Variants in DAB1 observed in about 807,000 individuals in gnomAD.
DAB1 encodes the protein disabled homolog 1.
In DAB1, 15 loss-of-function variants were observed where a neutral mutation model predicts 64.6. The observed-to-expected ratio is 0.23, with a 90% CI of 0.16 to 0.36. DAB1 has a LOEUF of 0.36. Among genes scored for constraint, DAB1 ranks in the 10% least tolerant of loss-of-function variants. The probability of loss-of-function intolerance (pLI) is 1.00; values close to 1 mark genes in which losing one functional copy is unlikely to be tolerated. For synonymous variants in DAB1, 235 were observed against 251.9 expected, an observed-to-expected ratio of 0.93 and a Z score of 0.64; for missense variants, 596 against 706.7, an observed-to-expected ratio of 0.84 and a Z score of 1.78.
chr1:57,166,955 A>C (rs749654172), intron 2 of DAB1, among the ~76,000 whole-genome samples: 2 of 152,208 alleles, frequency 1.3e-5, no homozygotes, highest in Non-Finnish European at 2.9e-5. Context: ...CCACCTGTGC[A>C]GTTCAGGCTC....
At chr1:58,059,156 C>G (rs938988963) in intron 5 of DAB1, among the ~76,000 whole-genome samples, 3 of 152,322 alleles carry the variant, frequency 2.0e-5, no homozygotes, top group Admixed American at 6.5e-5. Flanking sequence ...ATTTTAAGAT[C>G]CTCCTTTTGC....
intron 7 of DAB1, among the ~76,000 whole-genome samples, chr1:57,555,699 A>G (rs1200067329): frequency 6.6e-6 from 1 of 152,178 alleles, no homozygotes; most frequent in Non-Finnish European, 1.5e-5. Flanking sequence ...TGATTTGTCC[A>G]GGGTCACAGT....
chr1:58,399,895 CTGA>C (rs1644555382), intron 3 of DAB1, among the ~76,000 whole-genome samples: 1 of 152,048 alleles, frequency 6.6e-6, no homozygotes, highest in African/African-American at 2.4e-5. Context: ...GAGTGAGACA[CTGA>C]TATAGAATTA....
At chr1:57,492,235 A>C (rs942173787) in intron 7 of DAB1, among the ~76,000 whole-genome samples, 1 of 152,244 alleles carries the variant, frequency 6.6e-6, no homozygotes, top group Admixed American at 6.5e-5. Flanking sequence ...TGGATTAATG[A>C]ACAGTGTACT....
At chr1:57,307,381 A>G (rs749683976) in intron 1 of DAB1, 16 of 152,474 alleles carry the variant, frequency 1.0e-4, no homozygotes, top group Non-Finnish European at 1.8e-4. Flanking sequence ...TAGTACAGGT[A>G]CTGCCACCCT....
intron 9 of DAB1, among the ~76,000 whole-genome samples, chr1:57,061,239 G>C (rs972765702): frequency 2.1e-5 from 3 of 144,480 alleles, no homozygotes; most frequent in South Asian, 2.2e-4. Context: ...GGGGGGGGGG[G>C]GTGGTTTCAA....
chr1:57,002,982 G>A (rs1645927238), intron 14 of DAB1, among the ~76,000 whole-genome samples: 1 of 152,196 alleles, frequency 6.6e-6, no homozygotes, highest in African/African-American at 2.4e-5. Context: ...CTGGGAGTGT[G>A]GCTTTATCCT....
At chr1:58,137,571 C>A (rs1022678065) in intron 5 of DAB1, among the ~76,000 whole-genome samples, 4 of 152,100 alleles carry the variant, frequency 2.6e-5, no homozygotes, top group Non-Finnish European at 5.9e-5. Flanking sequence ...CTCTATCACC[C>A]TCTATGCATC....
At chr1:57,692,160 T>C (rs1646772147) in intron 6 of DAB1, among the ~76,000 whole-genome samples, 1 of 152,126 alleles carries the variant, frequency 6.6e-6, no homozygotes, top group Admixed American at 6.6e-5. Context: ...CTCGCCCATC[T>C]ATCCTTTCTA....
chr1:57,555,191 C>A (rs1489954681), intron 7 of DAB1, among the ~76,000 whole-genome samples: 1 of 151,770 alleles, frequency 6.6e-6, no homozygotes, highest in Non-Finnish European at 1.5e-5. Flanking sequence ...CGTGCCCCCA[C>A]ACCCAGGTAA....
At chr1:58,264,910 A>T (rs1032391016) in intron 4 of DAB1, among the ~76,000 whole-genome samples, 1 of 152,152 alleles carries the variant, frequency 6.6e-6, no homozygotes, top group African/African-American at 2.4e-5. Flanking sequence ...TGTCATCTAT[A>T]TTTTCTTTGC....
At chr1:57,374,513 C>A (rs1680743941) in intron 1 of DAB1, among the ~76,000 whole-genome samples, 1 of 152,148 alleles carries the variant, frequency 6.6e-6, no homozygotes, top group Non-Finnish European at 1.5e-5. Context: ...CAGAGTAAAT[C>A]CCTTTTCCAA....
At chr1:57,189,665 G>A (rs1663937560) in intron 2 of DAB1, among the ~76,000 whole-genome samples, 1 of 152,052 alleles carries the variant, frequency 6.6e-6, no homozygotes, top group Non-Finnish European at 1.5e-5. Flanking sequence ...CATTGTTACT[G>A]GTGATGGTTA....
intron 4 of DAB1, among the ~76,000 whole-genome samples, chr1:58,175,430 GA>G (rs767785199): frequency 1.3e-5 from 2 of 152,180 alleles, no homozygotes; most frequent in African/African-American, 4.8e-5. Context: ...CTTCATTCTT[GA>G]AGTCGGCAAG....
intron 7 of DAB1, among the ~76,000 whole-genome samples, chr1:57,437,735 C>T (rs1685748601): frequency 2.0e-5 from 3 of 152,154 alleles, no homozygotes; most frequent in Admixed American, 2.0e-4. Flanking sequence ...ATTAATATAG[C>T]ACAAGGGAAT....
At chr1:58,420,126 A>G (rs1487615855) in intron 3 of DAB1, among the ~76,000 whole-genome samples, 1 of 152,222 alleles carries the variant, frequency 6.6e-6, no homozygotes, top group Non-Finnish European at 1.5e-5. Context: ...AACACAGTGG[A>G]TTATATCTAA....
At chr1:58,145,383 C>T (rs1020483630) in intron 5 of DAB1, among the ~76,000 whole-genome samples, 4 of 152,186 alleles carry the variant, frequency 2.6e-5, no homozygotes, top group African/African-American at 7.2e-5. Flanking sequence ...ATCTCTGTCT[C>T]GGTTTCTTTT....
At position 57,488,796 on chromosome 1, in the gene DAB1, T is replaced by G. The variant is rs1644125968; in HGVS notation, n.625+160796A>C. 2.6e-5 allele frequency among the ~76,000 whole-genome samples: 4 copies of G among 152,224 alleles called. No individual in the cohort carries two copies. In the South Asian group the frequency reaches 8.3e-4, roughly 32 times the overall value. ...CTCACCTGCCACTCACTGTTGACTTTGAGCAAATTTATATGTTTTTAAAAT... is the reference window on the plus strand; with the variant it reads ...CTCACCTGCCACTCACTGTTGACTTGGAGCAAATTTATATGTTTTTAAAAT... On this transcript the variant is annotated intron_variant and non_coding_transcript_variant, in intron 7 of 20. Coordinates refer to the DAB1 transcript ENST00000485760.
intron 1 of DAB1, among the ~76,000 whole-genome samples, chr1:57,407,727 T>C (rs976142213): frequency 8.6e-5 from 13 of 152,044 alleles, no homozygotes; most frequent in Non-Finnish European, 1.3e-4. Flanking sequence ...CCTGTCTATC[T>C]GGTAGGACTG....
Sources: allele counts gnomAD v4.1 joint callset (sites outside exome capture counted in the v4.1 genomes callset), GRCh38; gene constraint gnomAD v4.1.1; transcripts MANE v1.5; gene names NCBI Gene and HGNC (gene_info 2026-07-23, HGNC 2026-07-21).